The following CCNI variants were observed in gnomAD, a reference collection of about 807,000 sequenced individuals.
The protein encoded by CCNI is cyclin I.
CCNI carries 14 observed loss-of-function variants against 34.1 expected under a neutral mutation model. That is an observed-to-expected ratio of 0.41 (90% CI 0.27 to 0.64). The LOEUF is 0.64. Among genes scored for constraint, CCNI ranks in the 30% least tolerant of loss-of-function variants. The pLI is 0.31. For missense variants in CCNI, 385 were observed against 440.5 expected (o/e 0.87, Z 1.13); for synonymous variants, 154 against 158.4 (o/e 0.97, Z 0.21).
intron 6 of CCNI, among the ~76,000 whole-genome samples, chr4:77,049,805 T>C (rs1457211227): frequency 6.6e-6 from 1 of 152,204 alleles, no homozygotes; most frequent in Non-Finnish European, 1.5e-5. Flanking sequence ...CATTGTATTA[T>C]ATTCATCTTT....
At chr4:77,059,360 GTTGT>G (rs1396369943) in intron 2 of CCNI, among the ~76,000 whole-genome samples, 1 of 149,920 alleles carries the variant, frequency 6.7e-6, no homozygotes, top group African/African-American at 2.5e-5. Context: ...AATAAAACCG[GTTGT>G]TTATTTTGGG....
intron 6 of CCNI, among the ~76,000 whole-genome samples, chr4:77,050,191 A>G (rs1727733273): frequency 6.6e-6 from 1 of 152,096 alleles, no homozygotes; most frequent in East Asian, 1.9e-4. Flanking sequence ...TGTATTGCGC[A>G]TTCCTTCCAG....
intron 2 of CCNI, 121 bp downstream of exon 2, chr4:77,066,128 A>C: frequency 3.8e-6 from 3 of 790,284 alleles, no homozygotes; most frequent in Non-Finnish European, 6.0e-6. Flanking sequence ...AGAGTCTCTC[A>C]AATACAGCAC....
At chr4:77,070,595 G>A (rs1343741527) in intron 1 of CCNI, among the ~76,000 whole-genome samples, 1 of 151,548 alleles carries the variant, frequency 6.6e-6, no homozygotes, top group East Asian at 1.9e-4. Context: ...GATGTTCTGA[G>A]ATTCCAATTT....
Position 77,050,469 on chromosome 4 carries a change from AATGG to A in CCNI, c.691-1811_691-1808del, listed in dbSNP as rs751884803. Among the ~76,000 whole-genome samples, 62 of 152,310 alleles carry A rather than the reference AATGG, an allele frequency of 4.1e-4. 1 individual carries two copies. Among genetic ancestry groups the A allele is most frequent in the Admixed American group, 5.2e-4 (8 of 15,306 alleles). ...GTTACTGAAAAATACCAGAGGAAAG[AATGG>A]TAAAAGGCTGATGTTAGTCATTGTA... On this transcript the variant is annotated intron_variant, in intron 6 of 6. Transcript: ENST00000237654.
intron 1 of CCNI, among the ~76,000 whole-genome samples, chr4:77,069,967 T>C (rs1729337795): frequency 6.6e-6 from 1 of 151,816 alleles, no homozygotes; most frequent in Non-Finnish European, 1.5e-5. Flanking sequence ...ATATTTTGCC[T>C]CTTCTAAATT....
Position 77,058,529 on chromosome 4 carries a change from T to G in CCNI, c.221A>C (p.Asp74Ala). 1 of 1,613,458 alleles carries G rather than the reference T, an allele frequency of 6.2e-7. No homozygotes were observed. Among genetic ancestry groups the G allele is most frequent in the Non-Finnish European group, 8.5e-7 (1 of 1,179,654 alleles). The change falls in exon 3 of 7, where the codon GAT (aspartate) becomes GCT (alanine). Residue 74 changes from aspartate (D) to alanine (A), a missense_variant. Around this residue, in one of 2 missense-constraint regions of CCNI, gnomAD observed 135 missense variants for 191.8 expected, o/e 0.70. Transcript: ENST00000237654. The part of the protein sequence containing the change: ...ETFALASSLL[D>A]RFLATVKAHP... ...TACCTTTACGGTAGCTAAAAACCTA[T>G]CCAAAAGACTGCTAGCCAGAGCAAA...
chr4:77,075,701 G>T lies in CCNI; in HGVS notation c.-273C>A. On this transcript the variant is annotated 5_prime_UTR_variant, in exon 1 of 7. Transcript: ENST00000237654. ...ACGCACGGCTGCGGCCGCTGGGTCGGTCAGCGAATTAGTTCCATGATGACC... is the reference window on the plus strand; with the variant it reads ...ACGCACGGCTGCGGCCGCTGGGTCGTTCAGCGAATTAGTTCCATGATGACC... 2.8e-6 allele frequency: 1 copy of T among 363,222 alleles called. No individual in the cohort carries two copies. The highest frequency in any genetic ancestry group is 3.8e-6 in the Non-Finnish European group (1 of 260,512). The allele number at this position is 363,222 out of a possible 1,614,324, so 22.5% of individuals were successfully genotyped here. A position where few individuals can be genotyped will look rare whatever the true frequency, so the allele number is the denominator to read the frequency against.
chr4:77,058,303 G>C (rs1193210868), intron 3 of CCNI, among the ~76,000 whole-genome samples: 1 of 152,046 alleles, frequency 6.6e-6, no homozygotes, highest in African/African-American at 2.4e-5. Context: ...ACTCCAGCCA[G>C]GGCAACAGAG....
chr4:77,075,398 A>G (rs1294994214), intron 1 of CCNI, 74 bp downstream of exon 1: 7 of 515,132 alleles, frequency 1.4e-5, no homozygotes, highest in Non-Finnish European at 1.7e-5. Context: ...GCGCGGGGGG[A>G]GCAGCGGGGC....
At chr4:77,070,788 G>GC (rs1729408043) in intron 1 of CCNI, among the ~76,000 whole-genome samples, 1 of 152,104 alleles carries the variant, frequency 6.6e-6, no homozygotes, top group Non-Finnish European at 1.5e-5. Flanking sequence ...GTTTTGGGAG[G>GC]CCAAGGCAGG....
At chr4:77,063,344 T>TTAA (rs1491186585) in intron 2 of CCNI, among the ~76,000 whole-genome samples, 12 of 77,252 alleles carry the variant, frequency 1.6e-4, no homozygotes, top group African/African-American at 6.0e-4. Flanking sequence ...GAAAGGGAGG[T>TTAA]AAAAAAAAAA....
rs1385035566 is a variant in CCNI at position 77,075,509 on chromosome 4, G to A, written c.-81C>T. ...TTCCTCCTCCTCCTCCTCCCCGGCAGAGCTGTAGGCCTCACAGTGGTGACG... is the reference window on the plus strand; with the variant it reads ...TTCCTCCTCCTCCTCCTCCCCGGCAAAGCTGTAGGCCTCACAGTGGTGACG... On this transcript the variant is annotated 5_prime_UTR_variant, in exon 1 of 7. Transcript: ENST00000237654. 6 of 987,416 alleles carry A rather than the reference G, an allele frequency of 6.1e-6. No homozygotes were observed. Among genetic ancestry groups the A allele is most frequent in the Non-Finnish European group, 7.2e-6 (6 of 829,942 alleles). The allele number at this position is 987,416 out of a possible 1,614,324, so 61.2% of individuals were successfully genotyped here. A position where few individuals can be genotyped will look rare whatever the true frequency, so the allele number is the denominator to read the frequency against.
chr4:77,069,729 C>T (rs1295526621), intron 1 of CCNI, among the ~76,000 whole-genome samples: 1 of 151,660 alleles, frequency 6.6e-6, no homozygotes, highest in Admixed American at 6.6e-5. Context: ...CCAGTTTCAA[C>T]CACTGGTGCC....
At chr4:77,067,003 G>A (rs1170754158) in intron 1 of CCNI, among the ~76,000 whole-genome samples, 4 of 152,164 alleles carry the variant, frequency 2.6e-5, no homozygotes, top group African/African-American at 9.6e-5. Flanking sequence ...GGAGGCCGAG[G>A]CGGGTGGATC....
chr4:77,061,074 A>T (rs966694288), intron 2 of CCNI, among the ~76,000 whole-genome samples: 4 of 152,206 alleles, frequency 2.6e-5, no homozygotes, highest in Non-Finnish European at 4.4e-5. Context: ...ACCAGATAGT[A>T]AAATTTAACA....
chr4:77,063,563 G>A (rs1289019025), intron 2 of CCNI, among the ~76,000 whole-genome samples: 6 of 151,504 alleles, frequency 4.0e-5, no homozygotes, highest in African/African-American at 7.3e-5. Context: ...TGTGGCGGGC[G>A]CCTGTAGTCC....
intron 6 of CCNI, among the ~76,000 whole-genome samples, chr4:77,054,159 A>C (rs930107492): frequency 1.3e-5 from 2 of 152,210 alleles, no homozygotes; most frequent in Admixed American, 6.5e-5. Flanking sequence ...ACTTCTTAAA[A>C]TGTTTGCTAT....
rs4252853 is a variant in CCNI, at chr4:77,061,562, C to T, written c.115-2927G>A. 6.3e-3 allele frequency among the ~76,000 whole-genome samples: 958 copies of T among 152,288 alleles called. 14 individuals carry two copies. Among genetic ancestry groups the T allele is most frequent in the African/African-American group, 0.022 (910 of 41,550 alleles). ...CTGCTAGTCTTCTCCTTAAAATATA[C>T]AACCTCCCCAGCTTTAAACTCTAAA... On this transcript the variant is annotated intron_variant, in intron 2 of 6. Transcript: ENST00000237654.
Sources: gnomAD v4.1 joint callset for allele counts (sites outside exome capture counted in the v4.1 genomes callset) on GRCh38, gnomAD v4.1.1 for gene constraint, gnomAD v4.1.1 regional missense constraint, MANE v1.5 for transcripts, NCBI Gene and HGNC (gene_info 2026-07-23, HGNC 2026-07-21) for gene names.